The following SLC14A2 variants were observed in gnomAD, a reference collection of about 807,000 sequenced individuals.
SLC14A2 encodes urea transporter 2.
SLC14A2 carries 91 observed loss-of-function variants against 104.6 expected under a neutral mutation model. The ratio of observed to expected loss-of-function variants is 0.87; its 90% CI spans 0.73 to 1.04. The LOEUF (loss-of-function observed/expected upper bound fraction) is 1.04. SLC14A2 is among the 50% of genes least tolerant of loss of function. The pLI is 0.00. For missense variants in SLC14A2, 1,189 were observed against 1,156.0 expected, an observed-to-expected ratio of 1.03 and a Z score of -0.41; for synonymous variants, 476 against 466.4, an observed-to-expected ratio of 1.02 and a Z score of -0.27.
intron 2 of SLC14A2, among the ~76,000 whole-genome samples, chr18:45,527,037 T>C (rs2144821555): frequency 6.6e-6 from 1 of 152,302 alleles, no homozygotes; most frequent in African/African-American, 2.4e-5. Context: ...AAAACCTTCA[T>C]TTTTTAGACC....
rs77163066 is a variant in SLC14A2 at position 45,669,904 on chromosome 18, G to A, written c.2229+406G>A. ...TCAATCACACGGAATCATTCAAGTC[G>A]TACACATCATGCTACCATCTATTGG... On this transcript the variant is annotated intron_variant, in intron 16 of 19. Transcript: ENST00000255226. Among the ~76,000 whole-genome samples, 429 of 152,288 alleles carry A rather than the reference G, an allele frequency of 2.8e-3. 7 individuals are homozygous for A. In the East Asian group the frequency reaches 0.053, roughly 19 times the overall value.
rs200069855 is a variant in SLC14A2 at position 45,641,303 on chromosome 18, T to C, written c.1086T>C (p.Tyr362=). 198 of 1,614,234 alleles carry C rather than the reference T, an allele frequency of 1.2e-4. 1 individual carries two copies. The Middle Eastern group carries it at 1.3e-3, about 11-fold the overall frequency. Residue 362 remains tyrosine, a synonymous_variant, in exon 8 of 20, where the codon TAT becomes TAC. Coordinates refer to ENST00000255226, the MANE Select transcript of SLC14A2 (RefSeq NM_007163.4). ...GCATCGCCATCGGAGGCATGTTCTATGCCCTCACCTGGCAGACTCACCTGC... is the reference window on the plus strand; with the variant it reads ...GCATCGCCATCGGAGGCATGTTCTACGCCCTCACCTGGCAGACTCACCTGC... The part of the protein sequence containing the change: ...LSCIAIGGMF[Y]ALTWQTHLLA...
chr18:45,474,802 A>G (rs189068688), intron 1 of SLC14A2, among the ~76,000 whole-genome samples: 5 of 151,992 alleles, frequency 3.3e-5, no homozygotes, highest in African/African-American at 9.7e-5. Context: ...CAGTCTATCT[A>G]TTTTGTTAAT....
chr18:45,661,191 T>A (rs545947236), intron 10 of SLC14A2, among the ~76,000 whole-genome samples: 203 of 152,298 alleles, frequency 1.3e-3, no homozygotes, highest in Non-Finnish European at 2.4e-3. Flanking sequence ...TACCCACCCA[T>A]CCAAAGACCT....
intron 1 of SLC14A2, among the ~76,000 whole-genome samples, chr18:45,418,735 T>G (rs914753346): frequency 6.6e-6 from 1 of 152,198 alleles, no homozygotes; most frequent in Admixed American, 6.5e-5. Context: ...TAAATGAGAC[T>G]GGGGTGAGAA....
intron 2 of SLC14A2, among the ~76,000 whole-genome samples, chr18:45,545,567 T>G (rs1443717909): frequency 6.6e-6 from 1 of 152,198 alleles, no homozygotes; most frequent in African/African-American, 2.4e-5. Flanking sequence ...GTTTAGGATT[T>G]TTATAATTAT....
intron 2 of SLC14A2, among the ~76,000 whole-genome samples, chr18:45,555,683 G>C (rs946901357): frequency 1.3e-5 from 2 of 152,208 alleles, no homozygotes; most frequent in Non-Finnish European, 2.9e-5. Context: ...AAAATGCTTA[G>C]ACACTCTGAG....
chr18:45,569,841 G>A (rs2044321386), intron 2 of SLC14A2, among the ~76,000 whole-genome samples: 1 of 152,140 alleles, frequency 6.6e-6, no homozygotes, highest in Admixed American at 6.5e-5. Flanking sequence ...CCAACCAGCT[G>A]TGTGACCTTG....
chr18:45,464,084 C>T (rs1405015609), intron 1 of SLC14A2, among the ~76,000 whole-genome samples: 1 of 152,218 alleles, frequency 6.6e-6, no homozygotes, highest in East Asian at 1.9e-4. Context: ...AATCATTTGT[C>T]TTCCTGGAAG....
In SLC14A2 at chr18:45,608,573, A is replaced by G. The variant is rs550181069; in HGVS notation, c.-34-16058A>G. On this transcript the variant is annotated intron_variant, in intron 2 of 20. Coordinates refer to the SLC14A2 transcript ENST00000586448. ...TAGAAAACATATCTTCAGAGATTTCACAACAAGCTCAATTTACTTTCCAGT... is the reference window on the plus strand; with the variant it reads ...TAGAAAACATATCTTCAGAGATTTCGCAACAAGCTCAATTTACTTTCCAGT... 7.2e-5 allele frequency among the ~76,000 whole-genome samples: 11 copies of G among 152,356 alleles called. No individual in the cohort carries two copies. The South Asian group carries it at 2.3e-3, about 32-fold the overall frequency.
chr18:45,188,436 GT>G, the SLC14A2 span, among the ~76,000 whole-genome samples: 5 of 152,042 alleles, frequency 3.3e-5, no homozygotes, highest in Non-Finnish European at 7.4e-5. Flanking sequence ...ATAATTCCCT[GT>G]TTTGATAACC....
At chr18:45,500,495 T>C (rs1598924339) in intron 2 of SLC14A2, among the ~76,000 whole-genome samples, 1 of 145,948 alleles carries the variant, frequency 6.9e-6, no homozygotes, top group South Asian at 2.1e-4. Context: ...GAGAATGGCG[T>C]GAACCCGGGA....
intron 1 of SLC14A2, among the ~76,000 whole-genome samples, chr18:45,295,384 C>A (rs1248513408): frequency 6.6e-6 from 1 of 151,970 alleles, no homozygotes; most frequent in Non-Finnish European, 1.5e-5. Flanking sequence ...CCTCCACTTG[C>A]AGTTGCAGTT....
chr18:45,534,066 C>T (rs2043742228), intron 2 of SLC14A2, among the ~76,000 whole-genome samples: 1 of 152,204 alleles, frequency 6.6e-6, no homozygotes, highest in African/African-American at 2.4e-5. Context: ...AGCTTTTGTG[C>T]TTCCCATCTA....
At chr18:45,375,156 G>C (rs367698357) in intron 1 of SLC14A2, among the ~76,000 whole-genome samples, 3 of 152,340 alleles carry the variant, frequency 2.0e-5, no homozygotes, top group East Asian at 1.9e-4. Flanking sequence ...ATAGTTTATA[G>C]TTTAAAACAA....
chr18:45,499,224 T>C (rs2043151802), intron 2 of SLC14A2, among the ~76,000 whole-genome samples: 1 of 152,214 alleles, frequency 6.6e-6, no homozygotes, highest in Non-Finnish European at 1.5e-5. Context: ...GTCATTTTAT[T>C]GATACATATT....
At chr18:45,534,921 C>A (rs1474201995) in intron 2 of SLC14A2, among the ~76,000 whole-genome samples, 1 of 152,166 alleles carries the variant, frequency 6.6e-6, no homozygotes, top group Non-Finnish European at 1.5e-5. Context: ...ATACAACCTG[C>A]AAACATTAAC....
chr18:45,637,131 GC>G lies in SLC14A2; in HGVS notation c.794del (p.Pro265LeufsTer65), dbSNP rs1270393264. On this transcript the variant is annotated frameshift_variant, in exon 6 of 20. Transcript: ENST00000255226. LOFTEE classifies it high-confidence loss of function. ...NLFFPTTLVE[P>X]VSSVPNITWT... ...TCTTCTTCCCCACAACACTGGTAGA[GC>G]CTGTGTCTTCAGTGCCCAATATCAC... is the stretch of plus-strand genomic sequence containing the variant. 29 of 1,614,164 alleles carry G rather than the reference GC, an allele frequency of 1.8e-5. No homozygotes were observed. The highest frequency in any genetic ancestry group is 2.4e-5 in the Non-Finnish European group (28 of 1,180,020).
At chr18:45,442,028 T>A (rs912061032) in intron 1 of SLC14A2, among the ~76,000 whole-genome samples, 8 of 152,134 alleles carry the variant, frequency 5.3e-5, no homozygotes, top group African/African-American at 1.9e-4. Context: ...ACAAGGAAGA[T>A]GTATCATATC....
Sources: allele counts gnomAD v4.1 joint callset (sites outside exome capture counted in the v4.1 genomes callset), GRCh38; gene constraint gnomAD v4.1.1; transcripts MANE v1.5; gene names NCBI Gene and HGNC (gene_info 2026-07-23, HGNC 2026-07-21).